The following RNF10 variants were observed in gnomAD, a reference collection of about 807,000 sequenced individuals.
RNF10 encodes ring finger protein 10, also known as E3 ubiquitin-protein ligase RNF10.
RNF10 carries 38 observed loss-of-function variants against 91.4 expected under a neutral mutation model. The ratio of observed to expected loss-of-function variants is 0.42; its 90% CI spans 0.32 to 0.54. RNF10 has a LOEUF of 0.54. RNF10 is among the 20% of genes least tolerant of loss of function. The pLI, the probability that RNF10 is intolerant of heterozygous loss-of-function variation, is 0.16. For synonymous variants in RNF10, 364 were observed against 366.3 expected (o/e 0.99, Z 0.07); for missense variants, 945 against 1,012.0 (o/e 0.93, Z 0.90).
In RNF10 at chr12:120,571,248, T is replaced by C. The variant is rs746130262; in HGVS notation, c.2099T>C (p.Val700Ala). 2.4e-5 allele frequency: 38 copies of C among 1,614,046 alleles called. No individual in the cohort carries two copies. Among genetic ancestry groups the C allele is most frequent in the Non-Finnish European group, 3.1e-5 (37 of 1,180,018 alleles). The change falls in exon 14 of 17, where the codon GTT (valine) becomes GCT (alanine). Residue 700 changes from valine (V) to alanine (A), a missense_variant. Coordinates refer to ENST00000325954, the MANE Select transcript of RNF10 (RefSeq NM_014868.5). The part of the protein sequence containing the change: ...TASQGSPSFC[V>A]GSLEEDSPFP... The stretch of plus-strand genomic sequence containing the variant: ...AGTCAGGGCAGTCCCTCATTCTGCG[T>C]TGGGAGTCTGGAAGAAGACTCTCCC...
In RNF10 at chr12:120,576,882, C is replaced by T. The variant is rs1877467731; in HGVS notation, c.*216C>T. 1.9e-6 allele frequency: 1 copy of T among 537,384 alleles called. No homozygotes were observed. The highest frequency in any genetic ancestry group is 3.2e-6 in the Non-Finnish European group (1 of 311,542). The allele number at this position is 537,384 out of a possible 1,614,324, so 33.3% of individuals were successfully genotyped here. ...TTTACACCAAAATAAAGTATTGACA[C>T]AAGAGATCTCTTCCTGCCAAGGTTT... is the stretch of plus-strand genomic sequence containing the variant. On this transcript the variant is annotated 3_prime_UTR_variant, in exon 17 of 17. Coordinates refer to ENST00000325954, the MANE Select transcript of RNF10 (RefSeq NM_014868.5).
chr12:120,551,419 C>T (rs947413146), intron 2 of RNF10, among the ~76,000 whole-genome samples: 8 of 150,564 alleles, frequency 5.3e-5, no homozygotes, highest in African/African-American at 1.5e-4. Flanking sequence ...CTCAGCCTCC[C>T]GAGTAGCTGG....
intron 2 of RNF10, among the ~76,000 whole-genome samples, chr12:120,547,729 G>A (rs1872529748): frequency 6.6e-6 from 1 of 152,198 alleles, no homozygotes; most frequent in Admixed American, 6.5e-5. Flanking sequence ...GGTAGGAAAT[G>A]TACCCAAAGA....
intron 14 of RNF10, 146 bp from the exon 15 acceptor site, chr12:120,575,485 C>G (rs1323257408): frequency 2.5e-6 from 2 of 807,636 alleles, no homozygotes; most frequent in Non-Finnish European, 4.2e-6. Context: ...ATGACTAGAA[C>G]AGTGTGTTAA....
At chr12:120,555,797 C>CT (rs371682626) in intron 4 of RNF10, among the ~76,000 whole-genome samples, 305 of 145,016 alleles carry the variant, frequency 2.1e-3, no homozygotes, top group Middle Eastern at 3.5e-3. Flanking sequence ...TACCTGGCCT[C>CT]TTTTTTTTTT....
intron 4 of RNF10, among the ~76,000 whole-genome samples, chr12:120,556,316 C>T (rs948468446): frequency 7.3e-5 from 11 of 150,948 alleles, no homozygotes; most frequent in African/African-American, 2.2e-4. Context: ...GGGCGGATCA[C>T]GGGGTCAGGA....
intron 13 of RNF10, among the ~76,000 whole-genome samples, chr12:120,568,999 T>G (rs2137252648): frequency 6.6e-6 from 1 of 151,588 alleles, no homozygotes; most frequent in East Asian, 2.0e-4. Context: ...AGATGGAGTT[T>G]CGCTCTTGTT....
intron 1 of RNF10, among the ~76,000 whole-genome samples, chr12:120,545,286 G>C (rs866460566): frequency 1.9e-4 from 29 of 151,270 alleles, no homozygotes; most frequent in African/African-American, 7.0e-4. Context: ...GGTTCACGCC[G>C]TTCTCCTGCC....
chr12:120,552,748 A>G, intron 3 of RNF10, 50 bp downstream of exon 3: 1 of 1,524,480 alleles, frequency 6.6e-7, no homozygotes. Flanking sequence ...CTCTCCGGAT[A>G]GCTGTGGTGC....
intron 6 of RNF10, among the ~76,000 whole-genome samples, chr12:120,560,145 G>GTT (rs371176763): frequency 5.0e-5 from 6 of 119,996 alleles, no homozygotes; most frequent in African/African-American, 1.3e-4. Flanking sequence ...TCTGTGTGTG[G>GTT]TTTTTTTTGT....
chr12:120,548,570 C>G (rs1173755675), intron 2 of RNF10, among the ~76,000 whole-genome samples: 1 of 151,868 alleles, frequency 6.6e-6, no homozygotes, highest in East Asian at 1.9e-4. Context: ...CAAATTTACA[C>G]AGTACTTTTC....
chr12:120,549,968 G>C (rs190628450), intron 2 of RNF10, among the ~76,000 whole-genome samples: 18 of 152,274 alleles, frequency 1.2e-4, no homozygotes, highest in African/African-American at 4.3e-4. Context: ...CTGGACAACA[G>C]AATGCTCAAA....
Position 120,552,532 on chromosome 12 carries a change from G to A in RNF10, c.388G>A (p.Ala130Thr). 6.2e-7 allele frequency: 1 copy of A among 1,614,162 alleles called. No individual in the cohort carries two copies. The highest frequency in any genetic ancestry group is 1.1e-5 in the South Asian group (1 of 91,082). Reference sequence around the variant, plus strand: ...GGCTCAACGGGCAGAGTTTAGCCCTGCCCAGTTCTCTGGTCCTAAGAAGAT... The same window carrying A: ...GGCTCAACGGGCAGAGTTTAGCCCTACCCAGTTCTCTGGTCCTAAGAAGAT... The part of the protein sequence containing the change: ...AEAQRAEFSP[A>T]QFSGPKKINL... The change falls in exon 3 of 17, where the codon GCC becomes ACC. Residue 130 changes from alanine to threonine, a missense_variant. Physicochemically the swap from Ala to Thr is moderately conservative, Grantham distance 58. Transcript: ENST00000325954.
At chr12:120,553,467 A>G (rs1374403255) in intron 3 of RNF10, among the ~76,000 whole-genome samples, 2 of 143,466 alleles carry the variant, frequency 1.4e-5, no homozygotes, top group Non-Finnish European at 3.0e-5. Flanking sequence ...CAGTGGCACG[A>G]TCTCAGCTCG....
chr12:120,544,529 T>C (rs1872024584), intron 1 of RNF10, among the ~76,000 whole-genome samples: 1 of 151,834 alleles, frequency 6.6e-6, no homozygotes, highest in African/African-American at 2.4e-5. Flanking sequence ...TGGTGGTGAG[T>C]GCCTGTAGTC....
At chr12:120,549,558 G>T (rs1872746693) in intron 2 of RNF10, among the ~76,000 whole-genome samples, 1 of 152,210 alleles carries the variant, frequency 6.6e-6, no homozygotes, top group South Asian at 2.1e-4. Context: ...GCCAAGGAGG[G>T]TGGATCTCCT....
intron 3 of RNF10, among the ~76,000 whole-genome samples, chr12:120,553,603 C>T (rs1176470250): frequency 6.6e-6 from 1 of 151,590 alleles, no homozygotes; most frequent in Admixed American, 6.6e-5. Context: ...TGGTGTTGCA[C>T]CGTATTAGCC....
intron 15 of RNF10, 33 bp downstream of exon 15, chr12:120,575,721 G>A (rs1877299631): frequency 6.2e-7 from 1 of 1,613,918 alleles, no homozygotes; most frequent in African/African-American, 1.3e-5. Context: ...GGGGGAGTTT[G>A]GCTTCTTTCC....
At chr12:120,554,888 T>C in intron 4 of RNF10, 80 bp downstream of exon 4, 1 of 1,089,978 alleles carries the variant, frequency 9.2e-7, no homozygotes, top group East Asian at 2.4e-5. Context: ...AGCTGTTGGC[T>C]GTGTGCACTG....
Sources: gnomAD v4.1 joint callset for allele counts (sites outside exome capture counted in the v4.1 genomes callset) on GRCh38, gnomAD v4.1.1 for gene constraint, MANE v1.5 for transcripts, NCBI Gene and HGNC (gene_info 2026-07-23, HGNC 2026-07-21) for gene names.